Variants in EPSTI1 observed in about 807,000 individuals in gnomAD.
EPSTI1 encodes epithelial-stromal interaction protein 1.
Under a neutral mutation model 49.9 loss-of-function variants are expected in EPSTI1, and 66 were observed. The observed-to-expected ratio is 1.32, with a 90% CI of 1.08 to 1.62. The LOEUF (loss-of-function observed/expected upper bound fraction) is 1.62. EPSTI1 is among the 40% of genes most tolerant of loss of function. The pLI is 0.00. For missense variants in EPSTI1, 394 were observed against 365.5 expected, an observed-to-expected ratio of 1.08 and a Z score of -0.64; for synonymous variants, 137 against 130.7, an observed-to-expected ratio of 1.05 and a Z score of -0.33.
chr13:42,935,418 T>A (rs2038527041), intron 6 of EPSTI1, among the ~76,000 whole-genome samples: 1 of 152,140 alleles, frequency 6.6e-6, no homozygotes, highest in Non-Finnish European at 1.5e-5. Context: ...TTTCTCTGAG[T>A]CTGCACCAGA....
chr13:42,962,238 TG>T (rs2039472893), intron 5 of EPSTI1, among the ~76,000 whole-genome samples: 1 of 152,186 alleles, frequency 6.6e-6, no homozygotes, highest in African/African-American at 2.4e-5. Flanking sequence ...AGGAATTACC[TG>T]GGGAGCTTGT....
chr13:42,989,947 A>C (rs934071255), intron 1 of EPSTI1, among the ~76,000 whole-genome samples: 13 of 152,048 alleles, frequency 8.5e-5, no homozygotes, highest in Admixed American at 2.6e-4. Context: ...AAAATAAATA[A>C]AGCCTTCTTT....
chr13:42,963,159 G>T, intron 5 of EPSTI1, 96 bp downstream of exon 5: 1 of 962,858 alleles, frequency 1.0e-6, no homozygotes, highest in South Asian at 1.5e-5. Context: ...GAGAGAGAAA[G>T]ATGGATAAAT....
chr13:42,970,766 G>T, intron 1 of EPSTI1, 96 bp from the exon 2 acceptor site: 2 of 891,172 alleles, frequency 2.2e-6, no homozygotes, highest in Non-Finnish European at 3.4e-6. Flanking sequence ...CTGTATTTAT[G>T]ATCATTACCA....
intron 3 of EPSTI1, among the ~76,000 whole-genome samples, chr13:42,964,722 C>T (rs1209806610): frequency 6.6e-6 from 1 of 152,100 alleles, no homozygotes; most frequent in African/African-American, 2.4e-5. Context: ...TTGTTCTTTC[C>T]TTATATAGTC....
At chr13:42,932,839 C>T (rs530929407) in intron 6 of EPSTI1, among the ~76,000 whole-genome samples, 148 of 152,178 alleles carry the variant, frequency 9.7e-4, no homozygotes, top group African/African-American at 3.3e-3. Context: ...CATCATGTAC[C>T]CTCTGATGCG....
At chr13:42,979,093 G>A (rs963584239) in intron 1 of EPSTI1, among the ~76,000 whole-genome samples, 1 of 152,048 alleles carries the variant, frequency 6.6e-6, no homozygotes, top group East Asian at 1.9e-4. Context: ...TCTGAGCCCA[G>A]GCTTTTTTCA....
At chr13:42,946,997 G>A (rs2038936576) in intron 6 of EPSTI1, among the ~76,000 whole-genome samples, 1 of 152,220 alleles carries the variant, frequency 6.6e-6, no homozygotes, top group African/African-American at 2.4e-5. Context: ...AAAGGTTGGG[G>A]ACCACTGCTT....
At chr13:42,967,758 G>A (rs1235809325) in intron 3 of EPSTI1, among the ~76,000 whole-genome samples, 1 of 152,180 alleles carries the variant, frequency 6.6e-6, no homozygotes. Flanking sequence ...CGAGCAGTCA[G>A]TGTAAACCTA....
chr13:42,981,987 T>C (rs1214409095), intron 1 of EPSTI1, among the ~76,000 whole-genome samples: 1 of 152,088 alleles, frequency 6.6e-6, no homozygotes, highest in Non-Finnish European at 1.5e-5. Flanking sequence ...GGTTGCACAG[T>C]GAGAGTGAGA....
Position 42,963,349 on chromosome 13 carries a change from T to C in EPSTI1, c.406-11A>G, listed in dbSNP as rs2039514965. Reference sequence around the variant, plus strand: ...TTCTTCTCTTTTTAGCTAAATTGTATTGAAATTACAGAGAACAAAAACAGT... The same window carrying C: ...TTCTTCTCTTTTTAGCTAAATTGTACTGAAATTACAGAGAACAAAAACAGT... On this transcript the variant is annotated splice_polypyrimidine_tract_variant and intron_variant, in intron 4 of 10. Transcript: ENST00000313624. The C allele has an allele frequency of 1.2e-5, 20 of 1,600,236 alleles. No homozygotes were observed. In the East Asian group the frequency reaches 4.5e-4, roughly 36 times the overall value.
At chr13:42,936,990 T>A (rs1420840723) in intron 6 of EPSTI1, among the ~76,000 whole-genome samples, 2 of 152,204 alleles carry the variant, frequency 1.3e-5, no homozygotes, top group African/African-American at 4.8e-5. Context: ...ATATGTCCTA[T>A]TGAACTTACA....
intron 1 of EPSTI1, among the ~76,000 whole-genome samples, chr13:42,976,891 C>T (rs532290935): frequency 6.6e-6 from 1 of 152,186 alleles, no homozygotes; most frequent in Non-Finnish European, 1.5e-5. Context: ...TACACAGTTG[C>T]AAACATATTT....
chr13:42,958,988 C>A (rs756002282), intron 5 of EPSTI1, among the ~76,000 whole-genome samples: 1 of 152,168 alleles, frequency 6.6e-6, no homozygotes, highest in South Asian at 2.1e-4. Flanking sequence ...TCTACGCCCC[C>A]CTTCCAAGAG....
chr13:42,986,997 C>T (rs1436163692), intron 1 of EPSTI1, among the ~76,000 whole-genome samples: 1 of 152,144 alleles, frequency 6.6e-6, no homozygotes, highest in East Asian at 1.9e-4. Flanking sequence ...CCAAAAGATG[C>T]CTTACGCATC....
At position 42,917,642 on chromosome 13, in the gene EPSTI1, G is replaced by GAGA; in HGVS notation, c.658-19_658-18insTCT. 7.0e-6 allele frequency: 3 copies of GAGA among 425,628 alleles called. No individual in the cohort carries two copies. Among genetic ancestry groups the GAGA allele is most frequent in the Non-Finnish European group, 1.2e-5 (3 of 245,758 alleles). The allele number at this position is 425,628 out of a possible 1,614,324, so 26.4% of individuals were successfully genotyped here. On this transcript the variant is annotated intron_variant, in intron 7 of 10. Coordinates refer to ENST00000313624, the MANE Select transcript of EPSTI1 (RefSeq NM_033255.5). ...CTTCTGGCCTGTAAAGGTACAAAGA[G>GAGA]AAAAAAAAAAAAAAAAACAACTTGA...
chr13:42,953,251 GAAA>G (rs11355319), intron 6 of EPSTI1, among the ~76,000 whole-genome samples: 45,106 of 143,492 alleles, frequency 0.31, 7,062 homozygotes, highest in East Asian at 0.51. Flanking sequence ...CTGTATTTAA[GAAA>G]AAAAAAAAAA....
chr13:42,912,216 T>C (rs1689151798), intron 8 of EPSTI1, among the ~76,000 whole-genome samples: 1 of 152,218 alleles, frequency 6.6e-6, no homozygotes, highest in Non-Finnish European at 1.5e-5. Flanking sequence ...CAGGATAAAT[T>C]GGAGCTAAGT....
At chr13:42,991,933 G>C (rs770228037) in intron 1 of EPSTI1, 45 bp downstream of exon 1, 2 of 1,608,678 alleles carry the variant, frequency 1.2e-6, no homozygotes, top group African/African-American at 2.7e-5. Context: ...GAGTATGTTT[G>C]GGGCCCGGGC....
Sources: allele counts gnomAD v4.1 joint callset (sites outside exome capture counted in the v4.1 genomes callset), GRCh38; gene constraint gnomAD v4.1.1; transcripts MANE v1.5; gene names NCBI Gene and HGNC (gene_info 2026-07-23, HGNC 2026-07-21).